The following ELOVL7 variants were observed in gnomAD, a reference collection of about 807,000 sequenced individuals.
ELOVL7 encodes the protein ELOVL fatty acid elongase 7.
ELOVL7 carries 27 observed loss-of-function variants against 35.7 expected under a neutral mutation model. The ratio of observed to expected loss-of-function variants is 0.76; its 90% confidence interval spans 0.56 to 1.04. The LOEUF is 1.04. ELOVL7 is among the 50% of genes least tolerant of loss of function. The pLI, the probability that ELOVL7 is intolerant of heterozygous loss-of-function variation, is 0.00. For synonymous variants in ELOVL7, 113 were observed against 114.6 expected (o/e 0.99, Z 0.09); for missense variants, 327 against 340.8 (o/e 0.96, Z 0.32).
At chr5:60,791,721 C>T (rs1743949637) in intron 2 of ELOVL7, among the ~76,000 whole-genome samples, 1 of 152,130 alleles carries the variant, frequency 6.6e-6, no homozygotes, top group Non-Finnish European at 1.5e-5. Context: ...GTGTTTGAGA[C>T]CACACAAAAA....
chr5:60,814,433 A>C (rs1289516921), intron 1 of ELOVL7, among the ~76,000 whole-genome samples: 1 of 152,144 alleles, frequency 6.6e-6, no homozygotes, highest in Non-Finnish European at 1.5e-5. Flanking sequence ...AAGCAGTACA[A>C]CTAGGCACAT....
At chr5:60,767,198 G>A (rs926232354) in intron 5 of ELOVL7, among the ~76,000 whole-genome samples, 5 of 152,038 alleles carry the variant, frequency 3.3e-5, no homozygotes, top group South Asian at 2.1e-4. Flanking sequence ...GGGTTCAAGC[G>A]ATTTTCCTGC....
intron 2 of ELOVL7, among the ~76,000 whole-genome samples, chr5:60,798,689 T>C (rs1744412125): frequency 6.6e-6 from 1 of 152,114 alleles, no homozygotes. Flanking sequence ...GTACCCAACA[T>C]AGTAGCACCA....
At chr5:60,804,204 G>C (rs1306495827) in intron 1 of ELOVL7, among the ~76,000 whole-genome samples, 1 of 152,164 alleles carries the variant, frequency 6.6e-6, no homozygotes, top group African/African-American at 2.4e-5. Flanking sequence ...CTTAGCACGA[G>C]TGCTAAACAT....
intron 8 of ELOVL7, 124 bp downstream of exon 8, chr5:60,757,385 G>C (rs1741603559): frequency 1.1e-6 from 1 of 889,098 alleles, no homozygotes; most frequent in Admixed American, 2.5e-5. Flanking sequence ...TATCATGTAG[G>C]GGCCAGACGC....
At chr5:60,762,363 C>T (rs1741979589) in intron 7 of ELOVL7, among the ~76,000 whole-genome samples, 1 of 149,242 alleles carries the variant, frequency 6.7e-6, no homozygotes, top group Non-Finnish European at 1.5e-5. Flanking sequence ...ATTGAAAGCA[C>T]TGCTTGCTTT....
chr5:60,786,340 T>C (rs569400118), intron 3 of ELOVL7, among the ~76,000 whole-genome samples: 4 of 152,322 alleles, frequency 2.6e-5, no homozygotes, highest in Admixed American at 2.6e-4. Context: ...AACATATTTG[T>C]TGTGATTTAA....
intron 1 of ELOVL7, among the ~76,000 whole-genome samples, chr5:60,806,822 C>A (rs1428095337): frequency 6.6e-6 from 1 of 152,130 alleles, no homozygotes; most frequent in East Asian, 1.9e-4. Flanking sequence ...CAGGGACAAA[C>A]ATAAAGAAGC....
At chr5:60,797,751 C>A (rs1744351485) in intron 2 of ELOVL7, among the ~76,000 whole-genome samples, 1 of 152,156 alleles carries the variant, frequency 6.6e-6, no homozygotes, top group Non-Finnish European at 1.5e-5. Context: ...AAGTGCAGTA[C>A]AAGGACATCT....
At chr5:60,781,717 A>G (rs1233010399) in intron 3 of ELOVL7, among the ~76,000 whole-genome samples, 1 of 152,236 alleles carries the variant, frequency 6.6e-6, no homozygotes, top group Non-Finnish European at 1.5e-5. Flanking sequence ...TAATAAAACA[A>G]AATACCAAGC....
At chr5:60,843,863 C>T (rs1747336141) in intron 1 of ELOVL7, among the ~76,000 whole-genome samples, 1 of 152,018 alleles carries the variant, frequency 6.6e-6, no homozygotes, top group Non-Finnish European at 1.5e-5. Flanking sequence ...TGGGGGCTCC[C>T]GAGAAGGCGC....
At chr5:60,764,066 CTTATG>C in intron 7 of ELOVL7, among the ~76,000 whole-genome samples, 156 bp downstream of exon 7, 1 of 151,996 alleles carries the variant, frequency 6.6e-6, no homozygotes, top group Admixed American at 6.6e-5. Flanking sequence ...TATTATGAGT[CTTATG>C]TTTATTTTTC....
At chr5:60,827,554 G>T (rs1746242074) in intron 1 of ELOVL7, among the ~76,000 whole-genome samples, 1 of 152,026 alleles carries the variant, frequency 6.6e-6, no homozygotes, top group Non-Finnish European at 1.5e-5. Flanking sequence ...TAGTTAGTTG[G>T]GAGTAGGAAA....
rs1490943843 is a variant in ELOVL7, at chr5:60,752,677, G to C, written c.*1947C>G. The C allele has an allele frequency of 1.3e-5, 2 of 152,176 alleles. No individual in the cohort carries two copies. The highest frequency in any genetic ancestry group is 2.9e-5 in the Non-Finnish European group (2 of 68,032). 9.4% of individuals were successfully genotyped at this position (152,176 alleles called of 1,614,324 possible). ...TCTAAAAATATAAAATTATGGCCGG[G>C]CACAGTGGCTCACCCCTGTAATCCC... On this transcript the variant is annotated 3_prime_UTR_variant, in exon 9 of 9. Transcript: ENST00000508821.
intron 1 of ELOVL7, among the ~76,000 whole-genome samples, chr5:60,800,515 A>G (rs1007058301): frequency 6.6e-6 from 1 of 152,208 alleles, no homozygotes; most frequent in African/African-American, 2.4e-5. Flanking sequence ...CTAACATAAT[A>G]CTCAGCAGTA....
Position 60,784,207 on chromosome 5 carries a change from A to G in ELOVL7, c.64+3127T>C, listed in dbSNP as rs1052009113. On this transcript the variant is annotated intron_variant, in intron 3 of 8. Transcript: ENST00000508821. The stretch of plus-strand genomic sequence containing the variant: ...TAAGATTCCAAGTACTAATGAAATG[A>G]AGAAGCTGGAAGGAAAAGCAAACAT... The G allele has an allele frequency of 1.0e-5, 13 of 1,303,122 alleles. No individual in the cohort carries two copies. The African/African-American group carries it at 1.9e-4, about 19-fold the overall frequency. 80.7% of individuals were successfully genotyped at this position (1,303,122 alleles called of 1,614,324 possible).
intron 1 of ELOVL7, among the ~76,000 whole-genome samples, chr5:60,805,345 G>A (rs1744861915): frequency 6.6e-6 from 1 of 152,146 alleles, no homozygotes; most frequent in African/African-American, 2.4e-5. Flanking sequence ...ACTACAACTT[G>A]GTAACATACA....
At position 60,821,333 on chromosome 5, in the gene ELOVL7, T is replaced by C. The variant is rs980269657; in HGVS notation, c.-85-22103A>G. Among the ~76,000 whole-genome samples, 10 of 152,280 alleles carry C rather than the reference T, an allele frequency of 6.6e-5. No homozygotes were observed. In the South Asian group the frequency reaches 2.1e-3, roughly 32 times the overall value. On this transcript the variant is annotated intron_variant, in intron 1 of 8. Transcript: ENST00000508821. ...GGCAGGGTCTGGCACATGGTTGACT[T>C]CCAAACAGTATTCGCTGAACGAATG...
intron 1 of ELOVL7, among the ~76,000 whole-genome samples, chr5:60,814,732 G>C (rs1192081578): frequency 1.3e-5 from 2 of 152,124 alleles, no homozygotes; most frequent in South Asian, 4.1e-4. Context: ...CAAAGTTCAG[G>C]GTTCCAGTCT....
Sources: allele counts gnomAD v4.1 joint callset (sites outside exome capture counted in the v4.1 genomes callset), GRCh38; gene constraint gnomAD v4.1.1; transcripts MANE v1.5; gene names NCBI Gene and HGNC (gene_info 2026-07-23, HGNC 2026-07-21).